The following RBKS variants were observed in gnomAD, a reference collection of about 807,000 sequenced individuals.
RBKS encodes the protein ribokinase.
A neutral mutation model predicts 33.9 loss-of-function variants in RBKS; 33 were observed. That is an observed-to-expected ratio of 0.97 (90% CI 0.74 to 1.30). The LOEUF is 1.30. RBKS is among the 50% of genes most tolerant of loss of function. RBKS has a pLI of 0.00. For synonymous variants in RBKS, 125 were observed against 143.0 expected (o/e 0.87, Z 0.90); for missense variants, 361 against 392.6 (o/e 0.92, Z 0.68).
Position 27,875,148 on chromosome 2 carries a change from C to T in RBKS, c.89+15109G>A, listed in dbSNP as rs28431177. ...AACATCTCTCAACTAGTAATGTGTT[C>T]GTTAAAAATCCAGGAAATAGGCCTT... On this transcript the variant is annotated intron_variant, in intron 1 of 7. Transcript: ENST00000302188. 3.6e-3 allele frequency among the ~76,000 whole-genome samples: 546 copies of T among 152,248 alleles called. 5 individuals are homozygous for T. The highest frequency in any genetic ancestry group is 0.013 in the African/African-American group (526 of 41,546).
At chr2:27,842,701 G>C (rs892494633) in intron 5 of RBKS, among the ~76,000 whole-genome samples, 5 of 151,300 alleles carry the variant, frequency 3.3e-5, no homozygotes, top group Non-Finnish European at 5.9e-5. Flanking sequence ...TTGTCACCCA[G>C]GCTAGAGTGC....
rs546513339 is a variant in RBKS at position 27,880,192 on chromosome 2, T to C, written c.89+10065A>G. ...AAAAGCCACACGATTATCTCAATAGTTGTAGAAAAGGCTTTCCATAAAATG... is the reference window on the plus strand; with the variant it reads ...AAAAGCCACACGATTATCTCAATAGCTGTAGAAAAGGCTTTCCATAAAATG... On this transcript the variant is annotated intron_variant, in intron 1 of 7. Transcript: ENST00000302188. Among the ~76,000 whole-genome samples the C allele has an allele frequency of 3.3e-5, 5 of 152,268 alleles. No homozygotes were observed. The South Asian group carries it at 8.3e-4, about 25-fold the overall frequency.
intron 7 of RBKS, among the ~76,000 whole-genome samples, chr2:27,791,688 C>CATATACAT (rs1677530249): frequency 6.6e-6 from 1 of 151,254 alleles, no homozygotes; most frequent in African/African-American, 2.4e-5. Flanking sequence ...TATACATATA[C>CATATACAT]ATATACATAT....
chr2:27,849,972 G>A (rs1039609584), intron 2 of RBKS, among the ~76,000 whole-genome samples: 2 of 152,138 alleles, frequency 1.3e-5, no homozygotes, highest in African/African-American at 2.4e-5. Context: ...CAATCACTGT[G>A]CTAGTCAGGA....
Position 27,816,603 on chromosome 2 carries a change from G to GT in RBKS, c.795+10963dup, listed in dbSNP as rs1443527562. ...TGTAGGTAAAACAATCTAAGGATAT[G>GT]TGTTTTTTTGTTTTTTTGTTTTTTT... is the stretch of plus-strand genomic sequence containing the variant. On this transcript the variant is annotated intron_variant, in intron 7 of 7. Transcript: ENST00000302188. Among the ~76,000 whole-genome samples the GT allele has an allele frequency of 5.3e-5, 8 of 151,458 alleles. No homozygotes were observed. In the East Asian group the frequency reaches 9.8e-4, roughly 19 times the overall value.
chr2:27,884,366 G>A (rs1229498364), intron 1 of RBKS, among the ~76,000 whole-genome samples: 1 of 151,982 alleles, frequency 6.6e-6, no homozygotes, highest in Non-Finnish European at 1.5e-5. Flanking sequence ...TCCCACCTCA[G>A]CCCCCCAGTA....
At chr2:27,828,125 T>C (rs1327826401) in intron 6 of RBKS, among the ~76,000 whole-genome samples, 1 of 152,194 alleles carries the variant, frequency 6.6e-6, no homozygotes, top group East Asian at 1.9e-4. Flanking sequence ...CAAAATACTT[T>C]TTTTTCCACT....
At chr2:27,786,087 T>C (rs2148180230) in intron 7 of RBKS, among the ~76,000 whole-genome samples, 1 of 152,272 alleles carries the variant, frequency 6.6e-6, no homozygotes, top group South Asian at 2.1e-4. Context: ...TGATCCCATT[T>C]GGGGGAAAAG....
At chr2:27,829,374 T>TC in intron 6 of RBKS, among the ~76,000 whole-genome samples, 1 of 148,980 alleles carries the variant, frequency 6.7e-6, no homozygotes, top group East Asian at 1.9e-4. Context: ...TTTTTTTTTT[T>TC]TTTTTTTTTT....
chr2:27,858,341 T>G (rs1055413960), intron 2 of RBKS, 98 bp downstream of exon 2: 1 of 1,232,816 alleles, frequency 8.1e-7, no homozygotes, highest in Non-Finnish European at 1.1e-6. Context: ...CACTGAACTG[T>G]TCACTCTAAA....
At chr2:27,862,083 GACC>G (rs1340692880) in intron 1 of RBKS, among the ~76,000 whole-genome samples, 1 of 151,530 alleles carries the variant, frequency 6.6e-6, no homozygotes, top group Non-Finnish European at 1.5e-5. Context: ...AGAGAGCTGG[GACC>G]ACAGGTGCAC....
intron 7 of RBKS, among the ~76,000 whole-genome samples, chr2:27,806,697 C>T (rs958580816): frequency 6.6e-6 from 1 of 152,218 alleles, no homozygotes; most frequent in Non-Finnish European, 1.5e-5. Context: ...ACTTCTCTTT[C>T]AGTACCTTCA....
intron 5 of RBKS, among the ~76,000 whole-genome samples, 188 bp downstream of exon 5, chr2:27,842,879 T>G (rs78190424): frequency 6.9e-6 from 1 of 144,336 alleles, no homozygotes; most frequent in African/African-American, 2.5e-5. Flanking sequence ...GCTACTCATG[T>G]TTTTTTTTTT....
intron 7 of RBKS, among the ~76,000 whole-genome samples, chr2:27,804,817 G>A (rs545461952): frequency 2.6e-5 from 4 of 152,280 alleles, no homozygotes; most frequent in African/African-American, 7.2e-5. Flanking sequence ...GGCCAAGGCC[G>A]GCGGATTGCT....
Position 27,844,350 on chromosome 2 carries a change from A to C in RBKS, c.350-1119T>G, listed in dbSNP as rs147026798. 2.6e-5 allele frequency among the ~76,000 whole-genome samples: 4 copies of C among 152,146 alleles called. No homozygotes were observed. In the East Asian group the frequency reaches 7.7e-4, roughly 29 times the overall value. ...GCGGATTTCAAAGATAGTACAAAGG[A>C]AATAAGGTAAAATATCCATTTATTC... On this transcript the variant is annotated intron_variant, in intron 4 of 7. Coordinates refer to ENST00000302188, the MANE Select transcript of RBKS (RefSeq NM_022128.3).
At chr2:27,805,993 G>C (rs539131002) in intron 7 of RBKS, among the ~76,000 whole-genome samples, 2 of 152,026 alleles carry the variant, frequency 1.3e-5, no homozygotes, top group African/African-American at 4.8e-5. Flanking sequence ...CTGGGCTCAA[G>C]TGATCCTCCT....
chr2:27,850,333 AC>A (rs1342879060), intron 2 of RBKS, among the ~76,000 whole-genome samples: 1 of 152,134 alleles, frequency 6.6e-6, no homozygotes, highest in African/African-American at 2.4e-5. Context: ...TATCATTATC[AC>A]TCAAACTCCA....
At chr2:27,835,340 A>G (rs962285249) in intron 5 of RBKS, among the ~76,000 whole-genome samples, 1 of 152,032 alleles carries the variant, frequency 6.6e-6, no homozygotes, top group Non-Finnish European at 1.5e-5. Flanking sequence ...CAGCTGTTAA[A>G]AAGAGTAAAG....
chr2:27,813,604 G>C (rs1330983203), intron 7 of RBKS, among the ~76,000 whole-genome samples: 2 of 151,588 alleles, frequency 1.3e-5, no homozygotes, highest in African/African-American at 4.9e-5. Context: ...TTATGAAAGA[G>C]ACAAAATTTA....
Sources: gnomAD v4.1 joint callset for allele counts (sites outside exome capture counted in the v4.1 genomes callset) on GRCh38, gnomAD v4.1.1 for gene constraint, MANE v1.5 for transcripts, NCBI Gene and HGNC (gene_info 2026-07-23, HGNC 2026-07-21) for gene names.